GPC6: variants seen among roughly 807,000 people sequenced by gnomAD.
The protein encoded by GPC6 is glypican 6, also known as glypican-6.
In GPC6, 14 loss-of-function variants were observed where a neutral mutation model predicts 55.2. The observed-to-expected ratio is 0.25, with a 90% CI of 0.17 to 0.40. GPC6 has a LOEUF of 0.40. Among genes scored for constraint, GPC6 ranks in the 10% least tolerant of loss-of-function variants. The probability of loss-of-function intolerance (pLI) is 1.00; values close to 1 mark genes in which losing one functional copy is unlikely to be tolerated. For synonymous variants in GPC6, 278 were observed against 259.6 expected, an observed-to-expected ratio of 1.07 and a Z score of -0.68; for missense variants, 641 against 708.5, an observed-to-expected ratio of 0.90 and a Z score of 1.08.
At chr13:94,290,053 T>C (rs1384832708) in intron 5 of GPC6, among the ~76,000 whole-genome samples, 1 of 152,006 alleles carries the variant, frequency 6.6e-6, no homozygotes, top group African/African-American at 2.4e-5. Flanking sequence ...ATGCTAGCAG[T>C]TTAGTATGAA....
At chr13:93,243,543 C>T (rs773217159) in intron 1 of GPC6, among the ~76,000 whole-genome samples, 7 of 152,162 alleles carry the variant, frequency 4.6e-5, no homozygotes, top group African/African-American at 9.7e-5. Flanking sequence ...CTGTCCTCTC[C>T]GGTCTCCCAG....
In GPC6 at chr13:93,521,454, C is replaced by T. The variant is rs1881419151; in HGVS notation, c.161-23809C>T. On this transcript the variant is annotated intron_variant, in intron 1 of 8. Transcript: ENST00000377047. ...TTTCCAGCAGTGCTACTATTCTGGACCTATTAATGCTTCAGAACTTACTTG... is the reference window on the plus strand; with the variant it reads ...TTTCCAGCAGTGCTACTATTCTGGATCTATTAATGCTTCAGAACTTACTTG... Among the ~76,000 whole-genome samples the T allele has an allele frequency of 2.0e-5, 3 of 151,924 alleles. No homozygotes were observed. The South Asian group carries it at 6.2e-4, about 31-fold the overall frequency.
chr13:93,711,429 C>A (rs979372835), intron 2 of GPC6, among the ~76,000 whole-genome samples: 2 of 151,722 alleles, frequency 1.3e-5, no homozygotes, highest in Admixed American at 1.3e-4. Context: ...TACTGCCCTC[C>A]CTCACAGGAC....
chr13:93,399,933 G>C (rs1328711381), intron 1 of GPC6, among the ~76,000 whole-genome samples: 1 of 152,198 alleles, frequency 6.6e-6, no homozygotes, highest in African/African-American at 2.4e-5. Flanking sequence ...GGGAGTTTCA[G>C]GTGACTTGAA....
In GPC6 at chr13:93,918,575, A is replaced by G. The variant is rs78445427; in HGVS notation, c.711+88030A>G. ...TAGCTGATAAGAGAGTTCCAGTGCT[A>G]AAACACAGTTTGGAAGTTACTCATC... is the stretch of plus-strand genomic sequence containing the variant. On this transcript the variant is annotated intron_variant, in intron 3 of 8. Transcript: ENST00000377047. 7.6e-4 allele frequency among the ~76,000 whole-genome samples: 116 copies of G among 152,338 alleles called. 1 individual carries two copies. The highest frequency in any genetic ancestry group is 2.6e-3 in the African/African-American group (110 of 41,584).
At chr13:94,214,837 G>T (rs1014484920) in intron 4 of GPC6, among the ~76,000 whole-genome samples, 6 of 152,152 alleles carry the variant, frequency 3.9e-5, no homozygotes, top group African/African-American at 1.4e-4. Context: ...TTGGTAGTCT[G>T]TTCTCCCAAG....
At chr13:94,271,320 G>A (rs1892003240) in intron 4 of GPC6, among the ~76,000 whole-genome samples, 1 of 150,854 alleles carries the variant, frequency 6.6e-6, no homozygotes, top group Non-Finnish European at 1.5e-5. Flanking sequence ...ATTCCCTGGA[G>A]CAGACGGTGA....
intron 1 of GPC6, among the ~76,000 whole-genome samples, chr13:93,269,933 TATGAGTAAGTTTAAAAG>T (rs1380786651): frequency 7.3e-6 from 1 of 137,814 alleles, no homozygotes; most frequent in Non-Finnish European, 1.6e-5. Flanking sequence ...TGTGGTATGA[TATGAGTAAGTTTAAAAG>T]AGATATGAGT....
intron 7 of GPC6, among the ~76,000 whole-genome samples, chr13:94,396,608 T>C (rs1411329961): frequency 6.6e-6 from 1 of 152,164 alleles, no homozygotes; most frequent in African/African-American, 2.4e-5. Flanking sequence ...GAGGAGAAAG[T>C]GAGGATAGGC....
intron 2 of GPC6, among the ~76,000 whole-genome samples, chr13:93,563,896 C>T (rs1000519254): frequency 6.6e-6 from 1 of 151,520 alleles, no homozygotes; most frequent in Non-Finnish European, 1.5e-5. Flanking sequence ...TTTTTTATTT[C>T]AATAGGTTTT....
chr13:94,362,188 G>A (rs187459961), intron 6 of GPC6, among the ~76,000 whole-genome samples: 2 of 152,296 alleles, frequency 1.3e-5, no homozygotes, highest in East Asian at 1.9e-4. Context: ...GTGTCAGGGG[G>A]AGTTTAACTT....
At chr13:93,233,042 C>T (rs933869197) in intron 1 of GPC6, among the ~76,000 whole-genome samples, 3 of 152,054 alleles carry the variant, frequency 2.0e-5, no homozygotes, top group Non-Finnish European at 4.4e-5. Flanking sequence ...TTCTTTTAAA[C>T]TTGGTGATTT....
intron 1 of GPC6, among the ~76,000 whole-genome samples, chr13:93,324,593 T>C (rs1051861038): frequency 4.7e-5 from 6 of 128,880 alleles, no homozygotes; most frequent in African/African-American, 1.6e-4. Flanking sequence ...CATACATATA[T>C]ATATATATAT....
intron 1 of GPC6, among the ~76,000 whole-genome samples, chr13:93,449,398 G>A (rs925485175): frequency 6.6e-5 from 10 of 152,202 alleles, no homozygotes; most frequent in African/African-American, 2.4e-4. Context: ...GATGGTCAGA[G>A]ATTGAAATGA....
At chr13:93,475,691 A>G (rs896239037) in intron 1 of GPC6, among the ~76,000 whole-genome samples, 10 of 152,334 alleles carry the variant, frequency 6.6e-5, no homozygotes, top group Admixed American at 2.0e-4. Flanking sequence ...TTTTAATGCT[A>G]GGAAAATACA....
chr13:94,175,713 G>T (rs1408163209), intron 4 of GPC6, among the ~76,000 whole-genome samples: 3 of 151,360 alleles, frequency 2.0e-5, no homozygotes, highest in African/African-American at 7.3e-5. Flanking sequence ...CTGTCTAAAG[G>T]ATTCTCTGTA....
chr13:93,402,623 T>C (rs957366084), intron 1 of GPC6, among the ~76,000 whole-genome samples: 22 of 152,180 alleles, frequency 1.4e-4, no homozygotes, highest in Admixed American at 1.2e-3. Context: ...AGTAGCCATA[T>C]GTGCCTTGAT....
At chr13:93,670,453 TCATCTGG>T (rs927357901) in intron 2 of GPC6, among the ~76,000 whole-genome samples, 6 of 152,322 alleles carry the variant, frequency 3.9e-5, no homozygotes, top group Non-Finnish European at 8.8e-5. Context: ...GTAATATTAA[TCATCTGG>T]CATCATAATG....
rs1163932555 is a variant in GPC6 at position 93,839,103 on chromosome 13, G to A, written c.711+8558G>A. ...AGCATCAACTGTGGCAGATAGTTAA[G>A]TGGAAAGGGCAGAGAAAACAGACCT... On this transcript the variant is annotated intron_variant, in intron 3 of 8. Coordinates refer to ENST00000377047, the MANE Select transcript of GPC6 (RefSeq NM_005708.5). Among the ~76,000 whole-genome samples, 5 of 152,266 alleles carry A rather than the reference G, an allele frequency of 3.3e-5. No individual in the cohort carries two copies. The East Asian group carries it at 9.7e-4, about 29-fold the overall frequency.
Sources: allele counts gnomAD v4.1 joint callset (sites outside exome capture counted in the v4.1 genomes callset), GRCh38; gene constraint gnomAD v4.1.1; transcripts MANE v1.5; gene names NCBI Gene and HGNC (gene_info 2026-07-23, HGNC 2026-07-21).